Variants in MACROD2 observed in about 807,000 individuals in gnomAD.
The protein encoded by MACROD2 is mono-ADP ribosylhydrolase 2.
In MACROD2, 36 loss-of-function variants were observed where a neutral mutation model predicts 70.4. The observed-to-expected ratio is 0.51, with a 90% CI of 0.39 to 0.68. The LOEUF (loss-of-function observed/expected upper bound fraction) is 0.68, where lower values mean the gene tolerates loss of function less well. Among genes scored for constraint, MACROD2 ranks in the 30% least tolerant of loss-of-function variants. MACROD2 has a pLI of 0.00. For synonymous variants in MACROD2, 172 were observed against 178.8 expected (o/e 0.96, Z 0.30); for missense variants, 496 against 538.4 (o/e 0.92, Z 0.78).
intron 7 of MACROD2, among the ~76,000 whole-genome samples, chr20:15,491,730 C>G (rs2047233847): frequency 6.6e-6 from 1 of 152,142 alleles, no homozygotes; most frequent in African/African-American, 2.4e-5. Flanking sequence ...TAGACCTGCC[C>G]TACATGTGGC....
chr20:15,134,392 T>C (rs1220856318), intron 5 of MACROD2, among the ~76,000 whole-genome samples: 1 of 151,628 alleles, frequency 6.6e-6, no homozygotes, highest in African/African-American at 2.4e-5. Flanking sequence ...GCAATCAAAC[T>C]AGAACTCAGG....
intron 5 of MACROD2, among the ~76,000 whole-genome samples, chr20:15,145,098 G>A (rs1419312390): frequency 1.3e-5 from 2 of 152,144 alleles, no homozygotes; most frequent in African/African-American, 4.8e-5. Context: ...TGGAGTCTGT[G>A]ATGTAGCCTA....
chr20:14,781,138 A>T (rs982533379), intron 5 of MACROD2, among the ~76,000 whole-genome samples: 4 of 152,086 alleles, frequency 2.6e-5, no homozygotes, highest in African/African-American at 9.7e-5. Context: ...ATAGAACACC[A>T]GAACTTATTT....
chr20:15,705,377 T>A (rs1213200179), intron 8 of MACROD2, among the ~76,000 whole-genome samples: 1 of 152,166 alleles, frequency 6.6e-6, no homozygotes, highest in Non-Finnish European at 1.5e-5. Flanking sequence ...ATCATCCTAC[T>A]ATATTTTAAG....
intron 8 of MACROD2, among the ~76,000 whole-genome samples, chr20:15,609,160 C>A (rs2048932663): frequency 6.6e-6 from 1 of 152,178 alleles, no homozygotes; most frequent in South Asian, 2.1e-4. Context: ...CCACCCACCC[C>A]CAGGTGCTCT....
intron 3 of MACROD2, among the ~76,000 whole-genome samples, chr20:14,190,272 T>C (rs1462597333): frequency 6.6e-6 from 1 of 152,178 alleles, no homozygotes; most frequent in Non-Finnish European, 1.5e-5. Context: ...TATTTACCAA[T>C]GAGAAGCCCA....
chr20:14,154,552 ATTTTTTTTTTTTTTTTTT>A (rs869299523), intron 3 of MACROD2, among the ~76,000 whole-genome samples: 1 of 106,652 alleles, frequency 9.4e-6, no homozygotes, highest in Non-Finnish European at 1.9e-5. Flanking sequence ...CGCCCGGCTA[ATTTTTTTTTTTTTTTTTT>A]TTTTTTTTTT....
rs139111070 is a variant in MACROD2, at chr20:14,387,744, G to A, written c.272-105735G>A. On this transcript the variant is annotated intron_variant, in intron 3 of 17. Coordinates refer to ENST00000684519, the MANE Select transcript of MACROD2 (RefSeq NM_001351661.2). ...GGCTAAAGGATGGTAGCTGCTTTGT[G>A]AAATGCCAAAATTCATTGAAATTTG... 4.6e-5 allele frequency among the ~76,000 whole-genome samples: 7 copies of A among 152,290 alleles called. No homozygotes were observed. In the East Asian group the frequency reaches 1.4e-3, roughly 29 times the overall value.
chr20:15,179,757 G>T (rs111298608), intron 5 of MACROD2, among the ~76,000 whole-genome samples: 1 of 152,120 alleles, frequency 6.6e-6, no homozygotes, highest in African/African-American at 2.4e-5. Flanking sequence ...TGTGTTTTTG[G>T]CATTGCCAAG....
chr20:14,730,622 A>G (rs1362667525), intron 5 of MACROD2, among the ~76,000 whole-genome samples: 1 of 152,206 alleles, frequency 6.6e-6, no homozygotes, highest in African/African-American at 2.4e-5. Context: ...AGGAATTTCT[A>G]CGTTATGCAC....
At chr20:14,478,341 G>A (rs576778313) in intron 3 of MACROD2, among the ~76,000 whole-genome samples, 2 of 152,284 alleles carry the variant, frequency 1.3e-5, no homozygotes, top group East Asian at 3.9e-4. Context: ...ATGATCTAGA[G>A]TGAGGCAGCT....
chr20:14,303,687 G>A (rs555958323), intron 3 of MACROD2, among the ~76,000 whole-genome samples: 214 of 152,178 alleles, frequency 1.4e-3, no homozygotes, highest in African/African-American at 4.6e-3. Context: ...AAGTTTTATA[G>A]TCTTCCAGTT....
intron 5 of MACROD2, among the ~76,000 whole-genome samples, chr20:15,221,201 T>G (rs1471448407): frequency 6.6e-6 from 1 of 152,254 alleles, no homozygotes; most frequent in Non-Finnish European, 1.5e-5. Context: ...CTGAAAAGGC[T>G]GCAAGTTGCT....
At chr20:14,558,608 T>C (rs1979213909) in intron 4 of MACROD2, among the ~76,000 whole-genome samples, 2 of 151,798 alleles carry the variant, frequency 1.3e-5, no homozygotes, top group African/African-American at 2.4e-5. Context: ...TGTATAATTA[T>C]AAAAAGAACA....
intron 3 of MACROD2, among the ~76,000 whole-genome samples, chr20:14,285,313 A>C (rs915415104): frequency 1.3e-5 from 2 of 152,194 alleles, no homozygotes; most frequent in Non-Finnish European, 2.9e-5. Flanking sequence ...CAATATTTTA[A>C]ATAATTTTGT....
At chr20:14,068,758 A>T (rs2053801485) in intron 2 of MACROD2, among the ~76,000 whole-genome samples, 1 of 152,138 alleles carries the variant, frequency 6.6e-6, no homozygotes, top group Admixed American at 6.5e-5. Flanking sequence ...AGAGTACCAC[A>T]GATTGGGGAA....
At chr20:15,713,644 A>G (rs2050661266) in intron 8 of MACROD2, among the ~76,000 whole-genome samples, 1 of 152,164 alleles carries the variant, frequency 6.6e-6, no homozygotes, top group Non-Finnish European at 1.5e-5. Flanking sequence ...CTAAACCACT[A>G]GAAACCACCT....
intron 5 of MACROD2, among the ~76,000 whole-genome samples, chr20:14,729,609 T>C (rs1040555016): frequency 1.3e-5 from 2 of 152,092 alleles, no homozygotes; most frequent in African/African-American, 4.8e-5. Context: ...TCTAATGGAT[T>C]GGCGGCACAC....
chr20:14,801,046 A>G (rs995717760), intron 5 of MACROD2, among the ~76,000 whole-genome samples: 2 of 152,144 alleles, frequency 1.3e-5, no homozygotes, highest in Non-Finnish European at 2.9e-5. Context: ...TTTAGCACAT[A>G]ATTTTCTAAT....
Sources: allele counts gnomAD v4.1 joint callset (sites outside exome capture counted in the v4.1 genomes callset), GRCh38; gene constraint gnomAD v4.1.1; transcripts MANE v1.5; gene names NCBI Gene and HGNC (gene_info 2026-07-23, HGNC 2026-07-21).